Variants in PCGF3 observed in about 807,000 individuals in gnomAD.
PCGF3 encodes the protein polycomb group ring finger 3.
In PCGF3, 7 loss-of-function variants were observed where a neutral mutation model predicts 33.1. The observed-to-expected ratio is 0.21, with a 90% CI of 0.12 to 0.40. PCGF3 has a LOEUF of 0.40. Ranked by LOEUF, PCGF3 falls within the 10% of genes least tolerant of loss-of-function variation. The pLI is 1.00. For missense variants in PCGF3, 211 were observed against 313.3 expected, an observed-to-expected ratio of 0.67 and a Z score of 2.46; for synonymous variants, 153 against 121.3, an observed-to-expected ratio of 1.26 and a Z score of -1.72.
At chr4:716,570 C>T (rs200482937) in intron 1 of PCGF3, among the ~76,000 whole-genome samples, 11 of 95,520 alleles carry the variant, frequency 1.2e-4, no homozygotes, top group South Asian at 4.1e-4. Context: ...GAGAACTGGG[C>T]GTCGGTGCTG....
intron 2 of PCGF3, 128 bp from the exon 3 acceptor site, chr4:730,841 CT>C (rs1743524982): frequency 2.5e-6 from 1 of 395,048 alleles, no homozygotes; most frequent in Non-Finnish European, 4.5e-6. Context: ...CCGGTCAGTA[CT>C]TCTGATTGAC....
At chr4:761,462 T>C (rs757737848) in intron 9 of PCGF3, 46 bp downstream of exon 9, 3 of 1,511,094 alleles carry the variant, frequency 2.0e-6, no homozygotes, top group East Asian at 2.4e-5. Flanking sequence ...TCCTCTCTTA[T>C]TTCTAAAGGT....
In PCGF3 at chr4:761,544, G is replaced by A. The variant is rs1745058450; in HGVS notation, c.600+128G>A. ...GGAGATTTTAACCAGAAAAAAATCC[G>A]TTTTGCCTGCTTCACCGGGGAGCGG... On this transcript the variant is annotated intron_variant, in intron 9 of 10. Transcript: ENST00000362003. The A allele has an allele frequency of 4.3e-6, 6 of 1,402,078 alleles. No homozygotes were observed. The South Asian group carries it at 7.3e-5, about 17-fold the overall frequency. 86.9% of individuals were successfully genotyped at this position (1,402,078 alleles called of 1,614,324 possible). A position where few individuals can be genotyped will look rare whatever the true frequency, so the allele number is the denominator to read the frequency against.
In PCGF3 at chr4:732,660, G is replaced by T. The variant is rs572058622; in HGVS notation, c.-9-1012G>T. ...CAGGCGATGTGGGGCTCAGCAGAGA[G>T]CTCCAGGCTGGGCCTCTTGGTGGCG... is the stretch of plus-strand genomic sequence containing the variant. On this transcript the variant is annotated intron_variant, in intron 3 of 10. Transcript: ENST00000362003. Among the ~76,000 whole-genome samples the T allele has an allele frequency of 3.6e-4, 55 of 152,282 alleles. 1 individual carries two copies. The East Asian group carries it at 0.01, about 28-fold the overall frequency.
At chr4:749,167 GT>G (rs1438687387) in intron 8 of PCGF3, among the ~76,000 whole-genome samples, 3 of 152,190 alleles carry the variant, frequency 2.0e-5, no homozygotes, top group South Asian at 4.1e-4. Flanking sequence ...ATTGAATTTT[GT>G]TTTTTTCTTT....
intron 1 of PCGF3, among the ~76,000 whole-genome samples, chr4:709,103 C>T (rs1458182697): frequency 1.3e-5 from 2 of 152,212 alleles, no homozygotes; most frequent in African/African-American, 2.4e-5. Context: ...CTAGTGACAT[C>T]TTGTCAGGGG....
chr4:734,968 C>G (rs777510767), exon 5 of PCGF3: 1 of 1,613,766 alleles, frequency 6.2e-7, no homozygotes, highest in South Asian at 1.1e-5. Context: ...TGGAGGAGAA[C>G]AACACCTGCC....
intron 1 of PCGF3, chr4:722,489 T>G: frequency 3.7e-6 from 1 of 267,210 alleles, no homozygotes; most frequent in South Asian, 3.1e-5. Context: ...GACACATCCA[T>G]TCACGTCGGG....
At chr4:711,299 C>T (rs1210198127) in intron 1 of PCGF3, among the ~76,000 whole-genome samples, 1 of 152,142 alleles carries the variant, frequency 6.6e-6, no homozygotes, top group Non-Finnish European at 1.5e-5. Flanking sequence ...GGCTAGAATT[C>T]TTTACTTGGG....
chr4:722,948 A>AGT (rs1743169787), intron 1 of PCGF3, among the ~76,000 whole-genome samples: 1 of 57,752 alleles, frequency 1.7e-5, no homozygotes, highest in African/African-American at 7.9e-5. Context: ...CACACTCGCG[A>AGT]CATCGCCCGC....
At chr4:741,198 A>G (rs1744075578) in intron 6 of PCGF3, among the ~76,000 whole-genome samples, 1 of 152,242 alleles carries the variant, frequency 6.6e-6, no homozygotes. Context: ...ACAGGAAAGC[A>G]GTGTTTACAA....
chr4:714,356 A>T (rs1742713644), intron 1 of PCGF3, among the ~76,000 whole-genome samples: 1 of 152,156 alleles, frequency 6.6e-6, no homozygotes, highest in Non-Finnish European at 1.5e-5. Flanking sequence ...TCCTTCTCTC[A>T]GTACATCCTG....
At chr4:714,074 G>A (rs543756782) in intron 1 of PCGF3, among the ~76,000 whole-genome samples, 34 of 152,220 alleles carry the variant, frequency 2.2e-4, no homozygotes, top group African/African-American at 7.5e-4. Context: ...TGGGGCCCTC[G>A]GAAGGCTCTG....
chr4:742,583 C>G (rs1390334006), intron 6 of PCGF3, among the ~76,000 whole-genome samples: 1 of 152,236 alleles, frequency 6.6e-6, no homozygotes, highest in Non-Finnish European at 1.5e-5. Flanking sequence ...TGGGTGTGAA[C>G]TAAGGTCACC....
intron 1 of PCGF3, chr4:722,483 C>T: frequency 3.7e-6 from 1 of 273,086 alleles, no homozygotes; most frequent in Non-Finnish European, 7.0e-6. Flanking sequence ...ATCAGAGACA[C>T]ATCCATTCAC....
At chr4:757,075 T>C (rs1033973208) in intron 8 of PCGF3, 1 of 152,266 alleles carries the variant, frequency 6.6e-6, no homozygotes, top group Non-Finnish European at 1.5e-5. Flanking sequence ...CTGTCTGTAG[T>C]GACCTATAGA....
intron 6 of PCGF3, among the ~76,000 whole-genome samples, chr4:738,135 G>C (rs1743916240): frequency 6.6e-6 from 1 of 152,248 alleles, no homozygotes; most frequent in Admixed American, 6.5e-5. Context: ...GGCTGTCCTG[G>C]TATTCTGCTC....
intron 10 of PCGF3, among the ~76,000 whole-genome samples, chr4:765,302 G>A (rs1745301180): frequency 6.6e-6 from 1 of 152,136 alleles, no homozygotes; most frequent in African/African-American, 2.4e-5. Context: ...GCGTAGTGGT[G>A]GGCACCTGTA....
intron 1 of PCGF3, among the ~76,000 whole-genome samples, 167 bp downstream of exon 1, chr4:706,137 A>C (rs1396693184): frequency 1.3e-5 from 2 of 152,154 alleles, no homozygotes; most frequent in African/African-American, 4.8e-5. Context: ...CCGGCACCCC[A>C]GCCCAGTCAG....
Sources: allele counts gnomAD v4.1 joint callset (sites outside exome capture counted in the v4.1 genomes callset), GRCh38; gene constraint gnomAD v4.1.1; transcripts MANE v1.5; gene names NCBI Gene and HGNC (gene_info 2026-07-23, HGNC 2026-07-21).